CCDC6: variants seen among roughly 807,000 people sequenced by gnomAD.
CCDC6 encodes the protein coiled-coil domain-containing protein 6.
In CCDC6, 20 loss-of-function variants were observed where a neutral mutation model predicts 56.6. The ratio of observed to expected loss-of-function variants is 0.35; its 90% CI spans 0.25 to 0.51. The LOEUF (loss-of-function observed/expected upper bound fraction) is 0.51, where lower values mean the gene tolerates loss of function less well. CCDC6 is among the 20% of genes least tolerant of loss of function. The pLI is 0.95. For synonymous variants in CCDC6, 241 were observed against 234.4 expected (o/e 1.03, Z -0.26); for missense variants, 367 against 601.1 (o/e 0.61, Z 4.07).
In CCDC6 at chr10:59,790,022, A is replaced by C. The variant is rs1292215718; in HGVS notation, c.*2895T>G. The C allele has an allele frequency of 4.6e-6, 1 of 216,286 alleles. No individual in the cohort carries two copies. Among genetic ancestry groups the C allele is most frequent in the Non-Finnish European group, 9.3e-6 (1 of 107,142 alleles). The allele number at this position is 216,286 out of a possible 1,614,324, so 13.4% of individuals were successfully genotyped here. A position where few individuals can be genotyped will look rare whatever the true frequency, so the allele number is the denominator to read the frequency against. On this transcript the variant is annotated 3_prime_UTR_variant, in exon 9 of 9. Coordinates refer to ENST00000263102, the MANE Select transcript of CCDC6 (RefSeq NM_005436.5). ...GAGCTCAGAATTTAAAACTCCTTTC[A>C]GTCAACGAAGGAGTAAGTTCAATTA...
At chr10:59,829,396 G>A (rs147241780) in intron 3 of CCDC6, among the ~76,000 whole-genome samples, 12 of 152,270 alleles carry the variant, frequency 7.9e-5, no homozygotes, top group African/African-American at 2.6e-4. Context: ...GTTACCATGT[G>A]ACCCAGCAAT....
intron 3 of CCDC6, among the ~76,000 whole-genome samples, chr10:59,819,078 A>G (rs1389569875): frequency 1.3e-5 from 2 of 152,190 alleles, no homozygotes; most frequent in African/African-American, 4.8e-5. Flanking sequence ...ATTTGTTTCA[A>G]TATTTAATAT....
At chr10:59,879,511 C>G (rs144845112) in intron 1 of CCDC6, among the ~76,000 whole-genome samples, 34 of 152,280 alleles carry the variant, frequency 2.2e-4, no homozygotes, top group Admixed American at 7.8e-4. Flanking sequence ...AACATCTACA[C>G]CAAACAAGGT....
At chr10:59,849,388 C>A (rs1323723864) in intron 2 of CCDC6, among the ~76,000 whole-genome samples, 1 of 152,166 alleles carries the variant, frequency 6.6e-6, no homozygotes, top group Non-Finnish European at 1.5e-5. Context: ...AGCCATCTCC[C>A]AAACTGGATC....
intron 6 of CCDC6, chr10:59,804,872 CAT>C (rs752056756): frequency 4.9e-5 from 10 of 204,448 alleles, no homozygotes; most frequent in South Asian, 1.8e-4. Flanking sequence ...AAGACACTCA[CAT>C]GTTAGTGGTG....
At chr10:59,832,302 C>T (rs1774790277) in intron 3 of CCDC6, among the ~76,000 whole-genome samples, 1 of 152,182 alleles carries the variant, frequency 6.6e-6, no homozygotes, top group Non-Finnish European at 1.5e-5. Flanking sequence ...CACAACTTAT[C>T]TCCTGAAACT....
chr10:59,864,910 G>C (rs1456530586), intron 1 of CCDC6, among the ~76,000 whole-genome samples: 2 of 152,230 alleles, frequency 1.3e-5, no homozygotes, highest in African/African-American at 2.4e-5. Flanking sequence ...AAGAACAAGA[G>C]TCACAAACTA....
At chr10:59,880,341 G>A (rs2071322227) in intron 1 of CCDC6, among the ~76,000 whole-genome samples, 1 of 152,106 alleles carries the variant, frequency 6.6e-6, no homozygotes, top group Non-Finnish European at 1.5e-5. Context: ...GGTTTTTCTG[G>A]ACACTCTAGG....
intron 1 of CCDC6, among the ~76,000 whole-genome samples, chr10:59,857,478 A>G (rs2071089348): frequency 6.6e-6 from 1 of 152,206 alleles, no homozygotes; most frequent in African/African-American, 2.4e-5. Context: ...ACCCTTCACA[A>G]TAGCACTCAA....
chr10:59,791,196 A>C lies in CCDC6; in HGVS notation c.*1721T>G, dbSNP rs764616357. The C allele has an allele frequency of 5.6e-5, 11 of 194,814 alleles. No individual in the cohort carries two copies. Among genetic ancestry groups the C allele is most frequent in the Admixed American group, 2.4e-4 (4 of 16,430 alleles). The allele number at this position is 194,814 out of a possible 1,614,324, so 12.1% of individuals were successfully genotyped here. On this transcript the variant is annotated 3_prime_UTR_variant, in exon 9 of 9. Transcript: ENST00000263102. ...GAACTGTATTATGATTATGTATATT[A>C]CACATACATTATAAATAAAATTTAT...
chr10:59,899,393 G>C (rs2071487651), intron 1 of CCDC6, among the ~76,000 whole-genome samples: 2 of 152,250 alleles, frequency 1.3e-5, no homozygotes. Flanking sequence ...CTGCAGTTCA[G>C]TAGTTTGGAT....
rs1370024996 is a variant in CCDC6 at position 59,852,854 on chromosome 10, G to T, written c.304-152C>A. ...CTGTGAACCAACACACCCAAGAAAT[G>T]CAAAACAGAGGAATTCAGCAGAGTC... On this transcript the variant is annotated intron_variant, in intron 1 of 8. Transcript: ENST00000263102. 3 of 545,094 alleles carry T rather than the reference G, an allele frequency of 5.5e-6. No individual in the cohort carries two copies. The East Asian group carries it at 9.8e-5, about 18-fold the overall frequency. 33.8% of individuals were successfully genotyped at this position (545,094 alleles called of 1,614,324 possible).
chr10:59,859,836 GGGCATATCATTTGAGGCC>G (rs142359897), intron 1 of CCDC6, among the ~76,000 whole-genome samples: 32,323 of 152,012 alleles, frequency 0.21, 4,616 homozygotes, highest in African/African-American at 0.41. Flanking sequence ...AGGCTGAGGC[GGGCATATCATTTGAGGCC>G]GGCATATCAC....
At chr10:59,825,327 A>G (rs2070779466) in intron 3 of CCDC6, among the ~76,000 whole-genome samples, 1 of 152,146 alleles carries the variant, frequency 6.6e-6, no homozygotes. Context: ...GCTTTTGCGT[A>G]TTCTTCATTC....
intron 5 of CCDC6, among the ~76,000 whole-genome samples, chr10:59,811,094 T>C (rs1486097457): frequency 2.6e-5 from 4 of 152,208 alleles, no homozygotes; most frequent in South Asian, 2.1e-4. Flanking sequence ...GCTGCCCTGA[T>C]GACACCCTGA....
chr10:59,829,725 T>A (rs2070819328), intron 3 of CCDC6, among the ~76,000 whole-genome samples: 1 of 152,140 alleles, frequency 6.6e-6, no homozygotes, highest in African/African-American at 2.4e-5. Context: ...AGACAGAAAG[T>A]AGAACAGCAG....
chr10:59,864,242 TTC>T (rs1255724117), intron 1 of CCDC6, among the ~76,000 whole-genome samples: 2 of 152,210 alleles, frequency 1.3e-5, no homozygotes, highest in Non-Finnish European at 2.9e-5. Flanking sequence ...CCTTGGTAGT[TTC>T]TTATTCTTCC....
intron 1 of CCDC6, among the ~76,000 whole-genome samples, chr10:59,860,698 A>C (rs1299856645): frequency 6.6e-6 from 1 of 152,156 alleles, no homozygotes; most frequent in African/African-American, 2.4e-5. Flanking sequence ...TACTGATCAA[A>C]TTAACTCACA....
chr10:59,879,088 C>T (rs1164138248), intron 1 of CCDC6, among the ~76,000 whole-genome samples: 1 of 152,130 alleles, frequency 6.6e-6, no homozygotes, highest in Non-Finnish European at 1.5e-5. Context: ...CATCCTCATT[C>T]AACAGGTAAG....
Sources: allele counts gnomAD v4.1 joint callset (sites outside exome capture counted in the v4.1 genomes callset), GRCh38; gene constraint gnomAD v4.1.1; transcripts MANE v1.5; gene names NCBI Gene and HGNC (gene_info 2026-07-23, HGNC 2026-07-21).